The following CRTAC1 variants were observed in gnomAD, a reference collection of about 807,000 sequenced individuals.
CRTAC1 encodes the protein cartilage acidic protein 1.
Under a neutral mutation model 67.8 loss-of-function variants are expected in CRTAC1, and 37 were observed. That is an observed-to-expected ratio of 0.55 (90% confidence interval 0.42 to 0.72). CRTAC1 has a LOEUF of 0.72. Among genes scored for constraint, CRTAC1 ranks in the 30% least tolerant of loss-of-function variants. The pLI, the probability that CRTAC1 is intolerant of heterozygous loss-of-function variation, is 0.00. For synonymous variants in CRTAC1, 348 were observed against 371.0 expected, an observed-to-expected ratio of 0.94 and a Z score of 0.71; for missense variants, 780 against 931.6, an observed-to-expected ratio of 0.84 and a Z score of 2.12.
chr10:97,915,009 C>T (rs943963788), intron 5 of CRTAC1, among the ~76,000 whole-genome samples: 4 of 152,172 alleles, frequency 2.6e-5, no homozygotes, highest in African/African-American at 7.2e-5. Context: ...CTCCCCCTCC[C>T]GCAGTGCTGA....
chr10:98,005,505 T>C (rs546637025), intron 2 of CRTAC1, among the ~76,000 whole-genome samples: 1 of 152,026 alleles, frequency 6.6e-6, no homozygotes, highest in Non-Finnish European at 1.5e-5. Flanking sequence ...ATTAAAATGT[T>C]ACACACCACA....
chr10:97,876,259 A>C (rs1375644100), intron 14 of CRTAC1, among the ~76,000 whole-genome samples: 2 of 152,206 alleles, frequency 1.3e-5, no homozygotes, highest in Non-Finnish European at 2.9e-5. Context: ...GACCCTGCAC[A>C]AACCATTTAG....
intron 11 of CRTAC1, among the ~76,000 whole-genome samples, chr10:97,885,967 C>T (rs1012812871): frequency 6.6e-6 from 1 of 152,190 alleles, no homozygotes; most frequent in African/African-American, 2.4e-5. Context: ...TCATTACTAT[C>T]CACCAATGAA....
intron 1 of CRTAC1, among the ~76,000 whole-genome samples, chr10:98,011,979 C>T (rs1842918666): frequency 6.6e-6 from 1 of 152,128 alleles, no homozygotes; most frequent in Non-Finnish European, 1.5e-5. Context: ...GTGGTACATA[C>T]TCCAGAGGTA....
intron 4 of CRTAC1, among the ~76,000 whole-genome samples, chr10:97,921,103 G>A (rs2050830311): frequency 6.6e-6 from 1 of 152,104 alleles, no homozygotes; most frequent in Non-Finnish European, 1.5e-5. Context: ...GTCACCTGCA[G>A]GGCTAACTGA....
chr10:97,903,549 G>T (rs1165716309), intron 7 of CRTAC1, among the ~76,000 whole-genome samples: 1 of 151,958 alleles, frequency 6.6e-6, no homozygotes. Flanking sequence ...ACAGGGAAGG[G>T]ACTTGGTAGG....
intron 13 of CRTAC1, among the ~76,000 whole-genome samples, chr10:97,881,728 A>G (rs1448486758): frequency 2.0e-5 from 3 of 152,046 alleles, no homozygotes; most frequent in Admixed American, 2.0e-4. Flanking sequence ...TGGAGAGTGT[A>G]GGGGAGTCAT....
At chr10:97,985,962 T>C (rs545869072) in intron 2 of CRTAC1, among the ~76,000 whole-genome samples, 1 of 152,218 alleles carries the variant, frequency 6.6e-6, no homozygotes, top group East Asian at 1.9e-4. Context: ...TGAGGATCTT[T>C]GAGAAGTTAT....
At chr10:97,903,763 T>C (rs116084799) in intron 7 of CRTAC1, among the ~76,000 whole-genome samples, 3,136 of 152,190 alleles carry the variant, frequency 0.021, 107 homozygotes, top group African/African-American at 0.068. Flanking sequence ...TCCAAACCCA[T>C]GCCCCTCATG....
Position 97,884,300 on chromosome 10 carries a change from A to G in CRTAC1, c.1538T>C (p.Val513Ala). 1 of 1,553,950 alleles carries G rather than the reference A, an allele frequency of 6.4e-7. No homozygotes were observed. The highest frequency in any genetic ancestry group is 8.7e-7 in the Non-Finnish European group (1 of 1,148,292). The change falls in exon 12 of 15, where the codon GTG (valine) becomes GCG (alanine). Residue 513 changes from valine to alanine, a missense_variant. Transcript: ENST00000370597. Reference sequence around the variant, plus strand: ...CTCCCCGCTGGCCACGTTCCGGCTCACCATCTTGCCATCTGGCCACGTCAC... The same window carrying G: ...CTCCCCGCTGGCCACGTTCCGGCTCGCCATCTTGCCATCTGGCCACGTCAC... ...VEVTWPDGKM[V>A]SRNVASGEMN...
At chr10:97,946,509 G>C (rs1035306186) in intron 2 of CRTAC1, among the ~76,000 whole-genome samples, 2 of 152,200 alleles carry the variant, frequency 1.3e-5, no homozygotes, top group Admixed American at 6.5e-5. Context: ...AGCTCTGATT[G>C]GCTCAGGGTG....
intron 2 of CRTAC1, among the ~76,000 whole-genome samples, chr10:97,979,583 C>A (rs75577884): frequency 0.011 from 1,620 of 152,288 alleles, 34 homozygotes; most frequent in African/African-American, 0.037. Flanking sequence ...TTGGTGGGCA[C>A]TGAGTGATTC....
intron 1 of CRTAC1, among the ~76,000 whole-genome samples, chr10:98,025,716 C>T (rs986702487): frequency 4.6e-5 from 7 of 152,218 alleles, no homozygotes; most frequent in Non-Finnish European, 7.3e-5. Context: ...CCAGGCTGGC[C>T]TGGAAGCCTG....
At chr10:97,950,238 CACACACACAGAGAG>C (rs1227333855) in intron 2 of CRTAC1, among the ~76,000 whole-genome samples, 49 of 69,772 alleles carry the variant, frequency 7.0e-4, no homozygotes, top group East Asian at 1.7e-3. Flanking sequence ...TACGTGCACA[CACACACACAGAGAG>C]AGAGAGAGAG....
chr10:97,888,064 G>C (rs12412005), intron 11 of CRTAC1, among the ~76,000 whole-genome samples: 1 of 152,076 alleles, frequency 6.6e-6, no homozygotes, highest in South Asian at 2.1e-4. Context: ...GCAGAGGTCC[G>C]AGAGATCCCA....
At chr10:97,878,026 T>A (rs1197513994) in intron 14 of CRTAC1, among the ~76,000 whole-genome samples, 2 of 152,238 alleles carry the variant, frequency 1.3e-5, no homozygotes, top group African/African-American at 2.4e-5. Context: ...CTATCTTAGA[T>A]CCACTTTGTT....
At chr10:98,017,514 A>G (rs1366457557) in intron 1 of CRTAC1, among the ~76,000 whole-genome samples, 3 of 152,110 alleles carry the variant, frequency 2.0e-5, no homozygotes, top group Non-Finnish European at 4.4e-5. Flanking sequence ...AGCTGTGAGA[A>G]GAATTGTTTT....
intron 3 of CRTAC1, among the ~76,000 whole-genome samples, chr10:97,935,361 T>C (rs1328970353): frequency 1.3e-5 from 2 of 152,234 alleles, no homozygotes; most frequent in Non-Finnish European, 2.9e-5. Context: ...TTATTGTCAC[T>C]GTCATTTAGC....
intron 5 of CRTAC1, among the ~76,000 whole-genome samples, chr10:97,911,134 T>C (rs1395457963): frequency 6.6e-6 from 1 of 152,198 alleles, no homozygotes; most frequent in Non-Finnish European, 1.5e-5. Flanking sequence ...TCTTACCAGC[T>C]TCTCTGAGAA....
Sources: allele counts gnomAD v4.1 joint callset (sites outside exome capture counted in the v4.1 genomes callset), GRCh38; gene constraint gnomAD v4.1.1; transcripts MANE v1.5; gene names NCBI Gene and HGNC (gene_info 2026-07-23, HGNC 2026-07-21).